Variants in RGS6 observed in about 807,000 individuals in gnomAD.
RGS6 encodes regulator of G-protein signaling 6.
RGS6 carries 30 observed loss-of-function variants against 78.5 expected under a neutral mutation model. The observed-to-expected ratio is 0.38, with a 90% CI of 0.29 to 0.52. RGS6 has a LOEUF of 0.52. Among genes scored for constraint, RGS6 ranks in the 20% least tolerant of loss-of-function variants. The probability of loss-of-function intolerance (pLI) is 0.85; values close to 1 mark genes in which losing one functional copy is unlikely to be tolerated. For synonymous variants in RGS6, 206 were observed against 206.0 expected (o/e 1.00, Z 0.00); for missense variants, 495 against 609.7 (o/e 0.81, Z 1.98).
chr14:72,000,121 T>C (rs1474650505), intron 2 of RGS6, among the ~76,000 whole-genome samples: 3 of 152,220 alleles, frequency 2.0e-5, no homozygotes, highest in Admixed American at 6.5e-5. Flanking sequence ...AGCAGGGTTG[T>C]GATACACACA....
intron 2 of RGS6, among the ~76,000 whole-genome samples, chr14:72,118,465 C>A (rs1325433475): frequency 6.6e-6 from 1 of 152,174 alleles, no homozygotes; most frequent in Non-Finnish European, 1.5e-5. Context: ...CATAGAAGGG[C>A]ACCCTGCCCT....
At chr14:72,570,943 C>A (rs1459664513), downstream of RGS6, among the ~76,000 whole-genome samples, 1 of 152,080 alleles carries the variant, frequency 6.6e-6, no homozygotes, top group Non-Finnish European at 1.5e-5. Context: ...TTAGACATGA[C>A]CTTGATAATC....
At chr14:72,425,229 C>T (rs1294377920) in intron 3 of RGS6, among the ~76,000 whole-genome samples, 1 of 152,132 alleles carries the variant, frequency 6.6e-6, no homozygotes, top group Non-Finnish European at 1.5e-5. Context: ...ACCTCCACCT[C>T]CCGAGTTCAG....
chr14:72,039,046 A>G (rs1479236078), intron 2 of RGS6, among the ~76,000 whole-genome samples: 1 of 152,228 alleles, frequency 6.6e-6, no homozygotes, highest in Non-Finnish European at 1.5e-5. Flanking sequence ...TTTTCCAATG[A>G]TATGTCCTTT....
chr14:72,555,778 T>A (rs926139404), intron 17 of RGS6, among the ~76,000 whole-genome samples: 1 of 152,262 alleles, frequency 6.6e-6, no homozygotes, highest in Admixed American at 6.5e-5. Context: ...AAGCATGTTG[T>A]GGACATAAGT....
chr14:71,892,395 C>T, the RGS6 span, among the ~76,000 whole-genome samples: 5 of 152,218 alleles, frequency 3.3e-5, no homozygotes. Flanking sequence ...GGCCTTCCTA[C>T]AAACACCTTA....
intron 3 of RGS6, among the ~76,000 whole-genome samples, chr14:72,424,966 T>C (rs2094372146): frequency 6.6e-6 from 1 of 152,234 alleles, no homozygotes; most frequent in East Asian, 1.9e-4. Context: ...GATGCAACAG[T>C]GCTGAGAACG....
Position 72,562,998 on chromosome 14 carries a change from C to A in RGS6, c.*531C>A. Reference sequence around the variant, plus strand: ...CGTCTCTGTGGCCACCCGGGTGTCACTGCCAGCACCAGGCACTGCTTTCAC... The same window carrying A: ...CGTCTCTGTGGCCACCCGGGTGTCAATGCCAGCACCAGGCACTGCTTTCAC... On this transcript the variant is annotated 3_prime_UTR_variant, in exon 18 of 18. Transcript: ENST00000553525. The A allele has an allele frequency of 3.5e-6, 2 of 579,670 alleles. No individual in the cohort carries two copies. The highest frequency in any genetic ancestry group is 2.0e-5 in the South Asian group (1 of 48,904). 35.9% of individuals were successfully genotyped at this position (579,670 alleles called of 1,614,324 possible).
chr14:72,172,444 AGTG>A (rs1196897711), intron 2 of RGS6, among the ~76,000 whole-genome samples: 3 of 151,932 alleles, frequency 2.0e-5, no homozygotes, highest in African/African-American at 7.3e-5. Context: ...AGCAATGAGA[AGTG>A]GTACACACAC....
At chr14:71,977,616 A>G (rs2094205370) in intron 2 of RGS6, among the ~76,000 whole-genome samples, 1 of 149,940 alleles carries the variant, frequency 6.7e-6, no homozygotes, top group African/African-American at 2.4e-5. Flanking sequence ...TGTTCCGTTG[A>G]TCTATATCTC....
chr14:72,005,772 C>T (rs983356650), intron 2 of RGS6, among the ~76,000 whole-genome samples: 1 of 152,124 alleles, frequency 6.6e-6, no homozygotes, highest in African/African-American at 2.4e-5. Flanking sequence ...TAAATAATCA[C>T]AATTCTGTGT....
chr14:72,356,318 T>G (rs139519900), intron 3 of RGS6, among the ~76,000 whole-genome samples: 45 of 152,266 alleles, frequency 3.0e-4, no homozygotes, highest in African/African-American at 1.0e-3. Flanking sequence ...CCCCCTGCTC[T>G]CTCTCTCTCC....
rs1239726896 is a variant in RGS6, at chr14:72,562,732, A to C, written c.*265A>C. The C allele has an allele frequency of 2.0e-6, 3 of 1,535,876 alleles. No homozygotes were observed. Among genetic ancestry groups the C allele is most frequent in the Non-Finnish European group, 2.6e-6 (3 of 1,146,888 alleles). On this transcript the variant is annotated 3_prime_UTR_variant, in exon 18 of 18. Coordinates refer to ENST00000553525, the MANE Select transcript of RGS6 (RefSeq NM_001204424.2). ...TTGTACAGTTGTATTCCAACACTCCACTCGCTAAGAGGCCCTGATCCCAGC... is the reference window on the plus strand; with the variant it reads ...TTGTACAGTTGTATTCCAACACTCCCCTCGCTAAGAGGCCCTGATCCCAGC...
At position 72,433,966 on chromosome 14, in the gene RGS6, G is replaced by A. The variant is rs951597510; in HGVS notation, c.185-20562G>A. On this transcript the variant is annotated intron_variant, in intron 3 of 17. Coordinates refer to ENST00000553525, the MANE Select transcript of RGS6 (RefSeq NM_001204424.2). Reference sequence around the variant, plus strand: ...TGCTGATGTTGTGTTCCATGATTCCGTGGCTTTGAAGATGCTGCTCTCTCA... The same window carrying A: ...TGCTGATGTTGTGTTCCATGATTCCATGGCTTTGAAGATGCTGCTCTCTCA... 1.1e-4 allele frequency among the ~76,000 whole-genome samples: 16 copies of A among 152,314 alleles called. 1 individual carries two copies. Among genetic ancestry groups the A allele is most frequent in the African/African-American group, 3.1e-4 (13 of 41,556 alleles).
intron 2 of RGS6, among the ~76,000 whole-genome samples, chr14:72,327,156 T>G (rs562117104): frequency 6.6e-6 from 1 of 152,332 alleles, no homozygotes; most frequent in Non-Finnish European, 1.5e-5. Context: ...CTGTTAATTT[T>G]TTTATGTGTA....
At position 72,506,919 on chromosome 14, in the gene RGS6, C is replaced by T. The variant is rs577621242; in HGVS notation, c.966-3235C>T. 4.5e-5 allele frequency among the ~76,000 whole-genome samples: 6 copies of T among 133,322 alleles called. 1 individual carries two copies. The highest frequency in any genetic ancestry group is 2.8e-4 in the Admixed American group (3 of 10,550). The allele number at this position is 133,322 out of a possible 152,430, so 87.5% of individuals were successfully genotyped here. On this transcript the variant is annotated intron_variant, in intron 13 of 17. Transcript: ENST00000553525. The stretch of plus-strand genomic sequence containing the variant: ...ATCCCAGCACTTTGGGAGGCCGAGG[C>T]AGGTGGATCACAAGGTCAGGAGATC...
chr14:72,377,238 A>G (rs1015148470), intron 3 of RGS6, among the ~76,000 whole-genome samples: 1 of 152,228 alleles, frequency 6.6e-6, no homozygotes, highest in East Asian at 1.9e-4. Flanking sequence ...AACCAAAAGC[A>G]AGCAGAGTAG....
chr14:72,361,083 CTTTT>C (rs56251149), intron 3 of RGS6, among the ~76,000 whole-genome samples: 9,951 of 138,268 alleles, frequency 0.072, 352 homozygotes, highest in Admixed American at 0.1. Flanking sequence ...AATCAAACCT[CTTTT>C]TTTTTTTTTT....
intron 2 of RGS6, among the ~76,000 whole-genome samples, chr14:72,198,062 T>C (rs895598375): frequency 1.3e-5 from 2 of 152,224 alleles, no homozygotes; most frequent in Non-Finnish European, 2.9e-5. Flanking sequence ...GTGTTTGTTA[T>C]TAATCTCCAA....
Sources: gnomAD v4.1 joint callset for allele counts (sites outside exome capture counted in the v4.1 genomes callset) on GRCh38, gnomAD v4.1.1 for gene constraint, MANE v1.5 for transcripts, NCBI Gene and HGNC (gene_info 2026-07-23, HGNC 2026-07-21) for gene names.